NALCN: variants seen among roughly 807,000 people sequenced by gnomAD.
NALCN encodes the protein sodium leak channel NALCN.
A neutral mutation model predicts 225.3 loss-of-function variants in NALCN; 111 were observed. The ratio of observed to expected loss-of-function variants is 0.49; its 90% CI spans 0.42 to 0.58. NALCN has a LOEUF of 0.58. Ranked by LOEUF, NALCN falls within the 20% of genes least tolerant of loss-of-function variation. The pLI is 0.00. For missense variants in NALCN, 1,378 were observed against 2,202.4 expected (o/e 0.63, Z 7.49); for synonymous variants, 764 against 769.0 (o/e 0.99, Z 0.11).
chr13:101,078,121 T>A (rs573795795), intron 34 of NALCN, among the ~76,000 whole-genome samples: 2 of 152,030 alleles, frequency 1.3e-5, no homozygotes, highest in Admixed American at 1.3e-4. Flanking sequence ...ACAGGATGTA[T>A]AGAAACAACT....
chr13:101,197,976 A>G (rs111548271), intron 13 of NALCN, among the ~76,000 whole-genome samples: 1 of 152,320 alleles, frequency 6.6e-6, no homozygotes, highest in African/African-American at 2.4e-5. Context: ...AATGATTTTT[A>G]CCTAATGGAG....
At chr13:101,371,827 G>C (rs1247976974) in intron 6 of NALCN, among the ~76,000 whole-genome samples, 3 of 152,128 alleles carry the variant, frequency 2.0e-5, no homozygotes, top group African/African-American at 7.2e-5. Context: ...TTAGTACTGG[G>C]CTTAATTTCA....
At chr13:101,365,522 T>C (rs114779898) in intron 6 of NALCN, among the ~76,000 whole-genome samples, 1,913 of 152,284 alleles carry the variant, frequency 0.013, 40 homozygotes, top group African/African-American at 0.043. Context: ...TAAATTTTAA[T>C]GTATTTATTT....
At chr13:101,265,906 T>C (rs2042580483) in intron 10 of NALCN, among the ~76,000 whole-genome samples, 1 of 152,220 alleles carries the variant, frequency 6.6e-6, no homozygotes, top group Admixed American at 6.5e-5. Context: ...TATTTGTGGT[T>C]GGATAGAAGG....
chr13:101,184,365 C>G (rs549355809), intron 14 of NALCN, among the ~76,000 whole-genome samples: 32 of 152,238 alleles, frequency 2.1e-4, no homozygotes, highest in Non-Finnish European at 4.0e-4. Flanking sequence ...GGACCAGGGT[C>G]TCACAGGCGT....
chr13:101,150,348 A>T (rs1343822300), intron 15 of NALCN, among the ~76,000 whole-genome samples: 1 of 152,174 alleles, frequency 6.6e-6, no homozygotes, highest in African/African-American at 2.4e-5. Flanking sequence ...AAAAATGTAT[A>T]CTATACCTCT....
chr13:101,325,852 T>C (rs1254398673), intron 7 of NALCN, among the ~76,000 whole-genome samples: 1 of 152,224 alleles, frequency 6.6e-6, no homozygotes, highest in Admixed American at 6.5e-5. Flanking sequence ...GCTTTATTAA[T>C]GTTACCAACA....
intron 28 of NALCN, among the ~76,000 whole-genome samples, chr13:101,092,072 A>G (rs2034262697): frequency 1.3e-5 from 2 of 152,156 alleles, no homozygotes; most frequent in African/African-American, 2.4e-5. Context: ...AATGCCATCT[A>G]TTATTGTCAT....
chr13:101,069,884 C>G (rs2032721219), intron 37 of NALCN, among the ~76,000 whole-genome samples: 1 of 152,090 alleles, frequency 6.6e-6, no homozygotes, highest in African/African-American at 2.4e-5. Context: ...AATTCAGTCG[C>G]GTCTTCAGGT....
chr13:101,343,711 C>T (rs1307797345), intron 7 of NALCN, among the ~76,000 whole-genome samples: 1 of 152,170 alleles, frequency 6.6e-6, no homozygotes, highest in Non-Finnish European at 1.5e-5. Flanking sequence ...AGGCAATTTC[C>T]TCCTAGAACT....
At chr13:101,234,174 T>C (rs2041462972) in intron 12 of NALCN, among the ~76,000 whole-genome samples, 1 of 152,258 alleles carries the variant, frequency 6.6e-6, no homozygotes, top group Non-Finnish European at 1.5e-5. Context: ...TTCCAGTACT[T>C]GTACTTCACA....
rs575610897 is a variant in NALCN at position 101,122,193 on chromosome 13, C to T, written c.2192+2415G>A. ...CAAAATATCAGTTTGATTTTTTGCA[C>T]TTGCCCTTAATTCATGCAGAAACTA... On this transcript the variant is annotated intron_variant, in intron 18 of 43. Transcript: ENST00000251127. Among the ~76,000 whole-genome samples the T allele has an allele frequency of 3.3e-5, 5 of 152,234 alleles. No individual in the cohort carries two copies. In the South Asian group the frequency reaches 8.3e-4, roughly 25 times the overall value.
intron 14 of NALCN, among the ~76,000 whole-genome samples, chr13:101,178,231 C>T (rs115940087): frequency 1.6e-3 from 243 of 152,258 alleles, no homozygotes; most frequent in African/African-American, 5.6e-3. Flanking sequence ...TGCTGGTTTC[C>T]TTCTGCAGGA....
intron 41 of NALCN, among the ~76,000 whole-genome samples, chr13:101,060,580 TGTGCCC>T (rs2031830181): frequency 6.6e-6 from 1 of 151,480 alleles, no homozygotes; most frequent in East Asian, 1.9e-4. Flanking sequence ...CATGAGACAC[TGTGCCC>T]AGCTTATGTC....
At chr13:101,108,744 A>G (rs907998277) in intron 20 of NALCN, among the ~76,000 whole-genome samples, 1 of 152,202 alleles carries the variant, frequency 6.6e-6, no homozygotes, top group African/African-American at 2.4e-5. Flanking sequence ...GATGGACCCC[A>G]TGGAAGGTGC....
chr13:101,298,886 T>C (rs2043851320), intron 7 of NALCN, among the ~76,000 whole-genome samples: 1 of 152,218 alleles, frequency 6.6e-6, no homozygotes, highest in South Asian at 2.1e-4. Context: ...TGAGAAACAC[T>C]TTTCTAACTT....
At chr13:101,373,545 CG>C (rs1373593370) in intron 6 of NALCN, among the ~76,000 whole-genome samples, 2 of 152,038 alleles carry the variant, frequency 1.3e-5, no homozygotes, top group Non-Finnish European at 2.9e-5. Flanking sequence ...CTGAACAAAA[CG>C]GAAAAGCACT....
chr13:101,092,881 C>T (rs2034310352), intron 28 of NALCN, among the ~76,000 whole-genome samples: 1 of 152,114 alleles, frequency 6.6e-6, no homozygotes, highest in Non-Finnish European at 1.5e-5. Flanking sequence ...TTAGGGGCTT[C>T]TCTGTGCAGC....
intron 42 of NALCN, chr13:101,058,901 G>C (rs188665776): frequency 6.6e-6 from 1 of 152,276 alleles, no homozygotes; most frequent in African/African-American, 2.4e-5. Flanking sequence ...CCCTGCAGTC[G>C]GTGGCAGATG....
Sources: gnomAD v4.1 joint callset for allele counts (sites outside exome capture counted in the v4.1 genomes callset) on GRCh38, gnomAD v4.1.1 for gene constraint, MANE v1.5 for transcripts, NCBI Gene and HGNC (gene_info 2026-07-23, HGNC 2026-07-21) for gene names.